TMEM44: variants seen among roughly 807,000 people sequenced by gnomAD.
The protein encoded by TMEM44 is transmembrane protein 44.
Under a neutral mutation model 47.8 loss-of-function variants are expected in TMEM44, and 43 were observed. The ratio of observed to expected loss-of-function variants is 0.90; its 90% CI spans 0.70 to 1.16. TMEM44 has a LOEUF of 1.16. Among genes scored for constraint, TMEM44 ranks in the 50% most tolerant of loss-of-function variants. TMEM44 has a pLI of 0.00. For missense variants in TMEM44, 568 were observed against 555.2 expected, an observed-to-expected ratio of 1.02 and a Z score of -0.23; for synonymous variants, 277 against 238.8, an observed-to-expected ratio of 1.16 and a Z score of -1.48.
At chr3:194,603,708 C>T (rs1259548517) in intron 9 of TMEM44, among the ~76,000 whole-genome samples, 1 of 152,068 alleles carries the variant, frequency 6.6e-6, no homozygotes, top group African/African-American at 2.4e-5. Flanking sequence ...AACACCAAGA[C>T]TTTAAAAAAT....
intron 7 of TMEM44, among the ~76,000 whole-genome samples, chr3:194,612,345 C>T (rs909667542): frequency 2.6e-5 from 4 of 152,176 alleles, no homozygotes; most frequent in Admixed American, 6.6e-5. Flanking sequence ...CTCATGGGAA[C>T]GTGGCTCTTT....
chr3:194,602,686 T>C (rs1714284320), intron 9 of TMEM44, among the ~76,000 whole-genome samples: 1 of 151,512 alleles, frequency 6.6e-6, no homozygotes, highest in Non-Finnish European at 1.5e-5. Context: ...GATTCTGACC[T>C]GTGGCGAAAG....
chr3:194,596,491 T>C (rs768218642), intron 9 of TMEM44, among the ~76,000 whole-genome samples: 1 of 152,086 alleles, frequency 6.6e-6, no homozygotes. Flanking sequence ...AGCTTTTCTG[T>C]GTGTAAGAAG....
intron 9 of TMEM44, among the ~76,000 whole-genome samples, chr3:194,596,021 G>A (rs1042669689): frequency 6.6e-6 from 1 of 152,160 alleles, no homozygotes; most frequent in Admixed American, 6.5e-5. Flanking sequence ...ACAGCGAAAG[G>A]TAGGAGAAGA....
chr3:194,621,024 CA>C (rs35118545), intron 5 of TMEM44, among the ~76,000 whole-genome samples: 63,047 of 117,212 alleles, frequency 0.54, 14,950 homozygotes, highest in African/African-American at 0.58. Context: ...GACTCTGTCT[CA>C]AAAAAAAAAA....
rs548273321 is a variant in TMEM44 at position 194,620,479 on chromosome 3, C to T, written c.612+2745G>A. Among the ~76,000 whole-genome samples the T allele has an allele frequency of 6.6e-5, 10 of 152,210 alleles. No individual in the cohort carries two copies. In the South Asian group the frequency reaches 1.9e-3, roughly 28 times the overall value. ...AGATTGCTCTCTAAGTGTTTGCTGA[C>T]TCCTACCATGATCAGGTCCCAGGTG... On this transcript the variant is annotated intron_variant, in intron 5 of 9. Transcript: ENST00000347147.
intron 9 of TMEM44, among the ~76,000 whole-genome samples, chr3:194,592,464 C>T (rs1309365450): frequency 6.6e-6 from 1 of 152,146 alleles, no homozygotes; most frequent in Non-Finnish European, 1.5e-5. Context: ...CCGGCCACTA[C>T]TACTGTTGTT....
intron 9 of TMEM44, among the ~76,000 whole-genome samples, chr3:194,599,279 G>A (rs566723903): frequency 5.9e-4 from 90 of 152,178 alleles, no homozygotes; most frequent in South Asian, 3.5e-3. Context: ...CCAGTCTATT[G>A]GTCCCTCACG....
At position 194,623,556 on chromosome 3, in the gene TMEM44, C is replaced by A; in HGVS notation, c.498G>T (p.Gln166His). ...PKASATIRGPQRRLLASLLQE... is the reference protein window; with the variant it reads ...PKASATIRGPHRRLLASLLQE... ...GCAGCAGGCTCGCTAGCAGCCTCCGCTGTGGCCCCCGGATGGTGGCTGAAG... is the reference window on the plus strand; with the variant it reads ...GCAGCAGGCTCGCTAGCAGCCTCCGATGTGGCCCCCGGATGGTGGCTGAAG... Residue 166 changes from glutamine (Q) to histidine (H), a missense_variant, in exon 4 of 10, where the codon CAG becomes CAT. By Grantham distance (24) the Gln-to-His change is conservative. Coordinates refer to ENST00000347147, the MANE Select transcript of TMEM44 (RefSeq NM_001011655.3). 2 of 1,606,090 alleles carry A rather than the reference C, an allele frequency of 1.2e-6. No homozygotes were observed. The highest frequency in any genetic ancestry group is 1.7e-6 in the Non-Finnish European group (2 of 1,177,082).
At chr3:194,605,224 C>T (rs1714649584) in intron 8 of TMEM44, among the ~76,000 whole-genome samples, 1 of 151,756 alleles carries the variant, frequency 6.6e-6, no homozygotes, top group African/African-American at 2.4e-5. Flanking sequence ...AGCTTCCCCC[C>T]ATGGGCTCAT....
rs191905210 is a variant in TMEM44, at chr3:194,613,834, C to T, written c.912+1735G>A. ...AGATCAGATTTCTAGCATAAAAAAACAGAATAGGCCGGGCCCGGTGGCTCA... is the reference window on the plus strand; with the variant it reads ...AGATCAGATTTCTAGCATAAAAAAATAGAATAGGCCGGGCCCGGTGGCTCA... On this transcript the variant is annotated intron_variant, in intron 7 of 9. Transcript: ENST00000347147. Among the ~76,000 whole-genome samples the T allele has an allele frequency of 7.5e-3, 1,121 of 149,808 alleles. 5 individuals are homozygous for T. The highest frequency in any genetic ancestry group is 0.014 in the Middle Eastern group (4 of 292).
chr3:194,606,975 A>C (rs1714852538), intron 8 of TMEM44, among the ~76,000 whole-genome samples: 1 of 140,670 alleles, frequency 7.1e-6, no homozygotes, highest in South Asian at 2.2e-4. Flanking sequence ...GAAAGAATAA[A>C]AGAAAAAATA....
intron 1 of TMEM44, 127 bp downstream of exon 1, chr3:194,632,952 G>C (rs1717972454): frequency 7.6e-7 from 1 of 1,312,568 alleles, no homozygotes; most frequent in East Asian, 2.8e-5. Context: ...TGTTCCATTG[G>C]ATCCTATTAC....
chr3:194,593,089 A>C, intron 9 of TMEM44: 1 of 1,613,312 alleles, frequency 6.2e-7, no homozygotes, highest in Non-Finnish European at 8.5e-7. Flanking sequence ...GAATAAAAAG[A>C]GAGACAGAAA....
Position 194,611,052 on chromosome 3 carries a change from GA to G in TMEM44, c.913-33del. 6.3e-7 allele frequency: 1 copy of G among 1,583,652 alleles called. No individual in the cohort carries two copies. Among genetic ancestry groups the G allele is most frequent in the Non-Finnish European group, 8.7e-7 (1 of 1,153,762 alleles). ...AGTAGAGGCAGGGAGACAGAAAGGG[GA>G]ATTCTCAAAGTCAGGAGGCATTTTC... On this transcript the variant is annotated intron_variant, in intron 7 of 9. Coordinates refer to ENST00000347147, the MANE Select transcript of TMEM44 (RefSeq NM_001011655.3). The surrounding 1 kb of genome is among the most constrained non-coding windows in gnomAD (Gnocchi z 4.2).
At chr3:194,622,330 G>C (rs1716634624) in intron 5 of TMEM44, among the ~76,000 whole-genome samples, 1 of 152,194 alleles carries the variant, frequency 6.6e-6, no homozygotes, top group African/African-American at 2.4e-5. Flanking sequence ...CATTTGAAGA[G>C]CGTAGGAGCC....
chr3:194,610,858 C>A (rs1292775946), intron 8 of TMEM44, 58 bp downstream of exon 8: 9 of 1,468,118 alleles, frequency 6.1e-6, no homozygotes, highest in African/African-American at 1.4e-5. Context: ...CTCCAGGAAG[C>A]CTTCCATGAC....
At chr3:194,600,745 G>A (rs908236522) in intron 9 of TMEM44, among the ~76,000 whole-genome samples, 8 of 151,188 alleles carry the variant, frequency 5.3e-5, no homozygotes, top group East Asian at 3.9e-4. Flanking sequence ...GCAAGACTCC[G>A]TCTCAAAAAG....
chr3:194,589,045 G>C (rs551586082), intron 9 of TMEM44: 57 of 216,386 alleles, frequency 2.6e-4, no homozygotes, highest in Middle Eastern at 1.8e-3. Context: ...TGTCACCCAG[G>C]CTAGAGTACA....
Sources: gnomAD v4.1 joint callset for allele counts (sites outside exome capture counted in the v4.1 genomes callset) on GRCh38, gnomAD v4.1.1 for gene constraint, Gnocchi (gnomAD v3.1) non-coding constraint, MANE v1.5 for transcripts, NCBI Gene and HGNC (gene_info 2026-07-23, HGNC 2026-07-21) for gene names.